The following RBFOX3 variants were observed in gnomAD, a reference collection of about 807,000 sequenced individuals.
RBFOX3 encodes RNA binding fox-1 homolog 3.
RBFOX3 carries 17 observed loss-of-function variants against 48.7 expected under a neutral mutation model. The observed-to-expected ratio is 0.35, with a 90% CI of 0.24 to 0.52. The LOEUF is 0.52. Among genes scored for constraint, RBFOX3 ranks in the 20% least tolerant of loss-of-function variants. The pLI, the probability that RBFOX3 is intolerant of heterozygous loss-of-function variation, is 0.94. For synonymous variants in RBFOX3, 212 were observed against 209.5 expected (o/e 1.01, Z -0.10); for missense variants, 382 against 497.5 (o/e 0.77, Z 2.21).
chr17:79,468,450 C>A (rs2076596225), intron 2 of RBFOX3, among the ~76,000 whole-genome samples: 5 of 151,464 alleles, frequency 3.3e-5, no homozygotes, highest in Admixed American at 3.3e-4. Flanking sequence ...AACAGACAGA[C>A]AATAGATCAA....
rs71829468 is a variant in RBFOX3, at chr17:79,198,072, CT to C, written c.-34+37693del. On this transcript the variant is annotated intron_variant, in intron 4 of 14. Coordinates refer to ENST00000693108, the MANE Select transcript of RBFOX3 (RefSeq NM_001350451.2). The surrounding 1 kb of genome is among the most constrained non-coding windows in gnomAD (Gnocchi z 8.2). ...CGTCAGGAGAGTCGTGTGGGGTGGG[CT>C]TGTCATCCCGGAAGTGCTACGGTTG... 0.15 allele frequency among the ~76,000 whole-genome samples: 20,049 copies of C among 129,854 alleles called. 2,995 individuals carry two copies. The highest frequency in any genetic ancestry group is 0.27 in the South Asian group (1,044 of 3,806). 85.2% of individuals were successfully genotyped at this position (129,854 alleles called of 152,430 possible). A position where few individuals can be genotyped will look rare whatever the true frequency, so the allele number is the denominator to read the frequency against.
intron 2 of RBFOX3, among the ~76,000 whole-genome samples, chr17:79,314,271 C>T (rs537737989): frequency 6.6e-6 from 1 of 152,122 alleles, no homozygotes; most frequent in Non-Finnish European, 1.5e-5. Flanking sequence ...GTGCAGGACC[C>T]CCAAACCTGC....
intron 4 of RBFOX3, among the ~76,000 whole-genome samples, chr17:79,173,052 T>C (rs1407101921): frequency 6.6e-6 from 1 of 152,036 alleles, no homozygotes; most frequent in African/African-American, 2.4e-5. Context: ...CTACTAAAAA[T>C]ACAAGAAATT....
intron 1 of RBFOX3, among the ~76,000 whole-genome samples, chr17:79,567,180 CT>C (rs1159762873): frequency 0.015 from 1,403 of 92,066 alleles, 10 homozygotes; most frequent in African/African-American, 0.046. Flanking sequence ...TTCTTTCTTT[CT>C]TTTTTTTTTT....
chr17:79,459,246 G>A (rs1399372243), intron 2 of RBFOX3, among the ~76,000 whole-genome samples: 1 of 152,220 alleles, frequency 6.6e-6, no homozygotes, highest in Non-Finnish European at 1.5e-5. Context: ...GGCCCTGGAG[G>A]TTCCGAGGCT....
At position 79,271,903 on chromosome 17, in the gene RBFOX3, T is replaced by C. The variant is rs367673211; in HGVS notation, c.-74+35821A>G. Reference sequence around the variant, plus strand: ...GCTCCAAAGGGTCTAGTCCAGCCAGTGACCGCAAGAACAGAATCCACACCA... The same window carrying C: ...GCTCCAAAGGGTCTAGTCCAGCCAGCGACCGCAAGAACAGAATCCACACCA... On this transcript the variant is annotated intron_variant, in intron 3 of 14. Transcript: ENST00000693108. 5.8e-4 allele frequency among the ~76,000 whole-genome samples: 89 copies of C among 152,310 alleles called. 1 individual carries two copies. Among genetic ancestry groups the C allele is most frequent in the African/African-American group, 2.0e-3 (83 of 41,560 alleles).
intron 2 of RBFOX3, among the ~76,000 whole-genome samples, chr17:79,320,475 G>C (rs560769080): frequency 5.1e-4 from 77 of 152,344 alleles, no homozygotes; most frequent in African/African-American, 1.8e-3. Flanking sequence ...CTCATTAACA[G>C]CTTTTGGTTC....
chr17:79,201,862 G>A (rs2056810337), intron 4 of RBFOX3, among the ~76,000 whole-genome samples: 1 of 152,112 alleles, frequency 6.6e-6, no homozygotes. Context: ...GGCAGACTTG[G>A]GCAAACTTCT....
intron 14 of RBFOX3, among the ~76,000 whole-genome samples, chr17:79,091,164 C>T (rs2073821400): frequency 6.6e-6 from 1 of 152,190 alleles, no homozygotes; most frequent in Non-Finnish European, 1.5e-5. Flanking sequence ...CCAGCACAGG[C>T]TTCGAGGCGG....
At chr17:79,587,596 C>T (rs2093291944) in intron 1 of RBFOX3, among the ~76,000 whole-genome samples, 1 of 152,200 alleles carries the variant, frequency 6.6e-6, no homozygotes, top group Non-Finnish European at 1.5e-5. Context: ...GGACCCTCAG[C>T]CCCAAGCTGC....
chr17:79,117,430 G>A (rs1044453250), intron 4 of RBFOX3, among the ~76,000 whole-genome samples: 1 of 152,168 alleles, frequency 6.6e-6, no homozygotes, highest in Non-Finnish European at 1.5e-5. Flanking sequence ...CCGGGGCCAC[G>A]CACGCTTTGT....
chr17:79,620,472 T>C, the RBFOX3 span, among the ~76,000 whole-genome samples: 2 of 130,230 alleles, frequency 1.5e-5, no homozygotes, highest in Non-Finnish European at 3.2e-5. Flanking sequence ...CATGCACACG[T>C]GCACACACGC....
intron 1 of RBFOX3, among the ~76,000 whole-genome samples, chr17:79,523,217 G>T (rs2150012400): frequency 1.3e-5 from 2 of 152,192 alleles, no homozygotes; most frequent in Non-Finnish European, 2.9e-5. Flanking sequence ...TCTGGAGATG[G>T]GTGGTTGGTG....
chr17:79,215,841 A>G (rs1262158736), intron 4 of RBFOX3, among the ~76,000 whole-genome samples: 4 of 152,234 alleles, frequency 2.6e-5, no homozygotes, highest in East Asian at 1.9e-4. Context: ...GCCGGGCTCA[A>G]TGTGTCCTTT....
At chr17:79,514,101 C>T (rs1303646271) in intron 1 of RBFOX3, among the ~76,000 whole-genome samples, 8 of 152,140 alleles carry the variant, frequency 5.3e-5, no homozygotes, top group African/African-American at 1.7e-4. Flanking sequence ...GGGTGGGGAC[C>T]ATGTGTATCA....
At chr17:79,126,195 C>A (rs878882587) in intron 4 of RBFOX3, among the ~76,000 whole-genome samples, 1 of 152,212 alleles carries the variant, frequency 6.6e-6, no homozygotes, top group South Asian at 2.1e-4. Context: ...GGAACACAGA[C>A]GTGTGAAAGT....
intron 3 of RBFOX3, among the ~76,000 whole-genome samples, chr17:79,239,247 GC>G (rs1427745315): frequency 1.3e-5 from 2 of 152,104 alleles, no homozygotes; most frequent in Non-Finnish European, 2.9e-5. Context: ...AAGGAGAGAG[GC>G]CCCCCAGGTT....
chr17:79,323,677 T>C (rs1373878477), intron 2 of RBFOX3, among the ~76,000 whole-genome samples: 1 of 152,168 alleles, frequency 6.6e-6, no homozygotes, highest in Non-Finnish European at 1.5e-5. Flanking sequence ...CTGCCAGGAT[T>C]ACTGAAGAAG....
the RBFOX3 span, among the ~76,000 whole-genome samples, chr17:79,665,439 G>A: frequency 7.9e-5 from 12 of 152,270 alleles, no homozygotes; most frequent in African/African-American, 2.9e-4. Flanking sequence ...AGAGAGGAGG[G>A]GCCTGGAAAC....
Sources: allele counts gnomAD v4.1 joint callset (sites outside exome capture counted in the v4.1 genomes callset), GRCh38; gene constraint gnomAD v4.1.1; non-coding constraint Gnocchi (gnomAD v3.1); transcripts MANE v1.5; gene names NCBI Gene and HGNC (gene_info 2026-07-23, HGNC 2026-07-21).